WDFY4: variants seen among roughly 807,000 people sequenced by gnomAD.
WDFY4 encodes the protein WD repeat- and FYVE domain-containing protein 4.
WDFY4 carries 169 observed loss-of-function variants against 351.9 expected under a neutral mutation model. The observed-to-expected ratio is 0.48, with a 90% CI of 0.42 to 0.55. The LOEUF (loss-of-function observed/expected upper bound fraction) is 0.55. Ranked by LOEUF, WDFY4 falls within the 20% of genes least tolerant of loss-of-function variation. WDFY4 has a pLI of 0.00. For synonymous variants in WDFY4, 1,622 were observed against 1,574.6 expected (o/e 1.03, Z -0.71); for missense variants, 3,803 against 3,935.6 (o/e 0.97, Z 0.90).
At chr10:48,839,355 G>A (rs554958335) in intron 39 of WDFY4, among the ~76,000 whole-genome samples, 22 of 152,296 alleles carry the variant, frequency 1.4e-4, no homozygotes, top group African/African-American at 3.1e-4. Context: ...GAAGGTCATC[G>A]TGTGAAACAT....
intron 5 of WDFY4, among the ~76,000 whole-genome samples, chr10:48,724,936 A>G (rs889851872): frequency 1.3e-5 from 2 of 152,234 alleles, no homozygotes; most frequent in Non-Finnish European, 2.9e-5. Flanking sequence ...TGATGGTGAC[A>G]GGCTTTTATT....
chr10:48,960,114 T>TCCA (rs1841791898), intron 53 of WDFY4, among the ~76,000 whole-genome samples: 1 of 152,014 alleles, frequency 6.6e-6, no homozygotes, highest in Non-Finnish European at 1.5e-5. Flanking sequence ...TACAAGAACA[T>TCCA]CCACTCCCTG....
chr10:48,910,205 T>C, intron 47 of WDFY4: 1 of 1,492,762 alleles, frequency 6.7e-7, no homozygotes, highest in Non-Finnish European at 9.3e-7. Flanking sequence ...TTCTGTTAGC[T>C]GAGTAGTCTT....
intron 7 of WDFY4, 127 bp downstream of exon 7, chr10:48,727,786 T>G: frequency 8.3e-7 from 1 of 1,200,412 alleles, no homozygotes; most frequent in Non-Finnish European, 1.1e-6. Context: ...ACCTCTTATT[T>G]GCAAAAGTGA....
At chr10:48,751,232 T>G (rs1233448834) in intron 12 of WDFY4, among the ~76,000 whole-genome samples, 3 of 152,190 alleles carry the variant, frequency 2.0e-5, no homozygotes, top group African/African-American at 7.2e-5. Context: ...CGTTCCTGGA[T>G]GAGGAGACCA....
At chr10:48,889,228 C>G (rs112780694) in intron 43 of WDFY4, among the ~76,000 whole-genome samples, 1 of 152,174 alleles carries the variant, frequency 6.6e-6, no homozygotes, top group Non-Finnish European at 1.5e-5. Context: ...TCCTAGCTTA[C>G]GAAAAACAGC....
intron 36 of WDFY4, among the ~76,000 whole-genome samples, chr10:48,828,023 T>C (rs998614780): frequency 6.6e-6 from 1 of 152,206 alleles, no homozygotes; most frequent in South Asian, 2.1e-4. Flanking sequence ...TTTAGCAAGA[T>C]TGACTTCATT....
At chr10:48,867,106 GT>G (rs2069572262) in intron 39 of WDFY4, among the ~76,000 whole-genome samples, 158 bp from the exon 40 acceptor site, 1 of 151,674 alleles carries the variant, frequency 6.6e-6, no homozygotes, top group Non-Finnish European at 1.5e-5. Context: ...TGAGGCAGAG[GT>G]TGCAGTGAGC....
intron 43 of WDFY4, among the ~76,000 whole-genome samples, chr10:48,885,886 T>A (rs188003056): frequency 9.0e-4 from 137 of 152,318 alleles, no homozygotes; most frequent in African/African-American, 3.2e-3. Flanking sequence ...AGCTCATAGA[T>A]GACCAAATAT....
chr10:48,830,824 G>A lies in WDFY4; in HGVS notation c.6465G>A (p.Lys2155=). 1 of 1,551,696 alleles carries A rather than the reference G, an allele frequency of 6.4e-7. No individual in the cohort carries two copies. The highest frequency in any genetic ancestry group is 8.7e-7 in the Non-Finnish European group (1 of 1,146,970). The change falls in exon 38 of 62, where the codon AAG becomes AAA. Residue 2155 remains lysine (K), a synonymous_variant. Coordinates refer to ENST00000325239, the MANE Select transcript of WDFY4 (RefSeq NM_001394531.1). ...TGAAACCTGGAGAGAGGGAAGTGAA[G>A]ATTGAAGAGGTCACACCGCTCTGGG... ...LSVKPGEREV[K]IEEVTPLWEE...
intron 19 of WDFY4, among the ~76,000 whole-genome samples, chr10:48,784,148 G>A (rs985364068): frequency 1.3e-5 from 2 of 152,206 alleles, no homozygotes; most frequent in Admixed American, 6.5e-5. Context: ...AGCTTTGTGA[G>A]CATTTGTGTA....
chr10:48,751,361 G>A (rs1159932636), intron 12 of WDFY4, among the ~76,000 whole-genome samples: 1 of 152,228 alleles, frequency 6.6e-6, no homozygotes, highest in Non-Finnish European at 1.5e-5. Context: ...TGTAGGCATT[G>A]CTCGGACTTT....
At chr10:48,700,358 C>T (rs2063445479) in intron 1 of WDFY4, among the ~76,000 whole-genome samples, 1 of 152,224 alleles carries the variant, frequency 6.6e-6, no homozygotes, top group African/African-American at 2.4e-5. Flanking sequence ...TGCTCTTGCC[C>T]AGTTTCTGCA....
intron 45 of WDFY4, 137 bp from the exon 46 acceptor site, chr10:48,900,084 G>T: frequency 1.5e-6 from 1 of 670,828 alleles, no homozygotes; most frequent in Non-Finnish European, 2.5e-6. Flanking sequence ...TTCCTACCAT[G>T]GGAACTCAAA....
At chr10:48,861,607 C>T (rs987802757) in intron 39 of WDFY4, among the ~76,000 whole-genome samples, 2 of 152,116 alleles carry the variant, frequency 1.3e-5, no homozygotes, top group South Asian at 4.1e-4. Flanking sequence ...TTTCTCTCTT[C>T]CTGTGTTTAG....
chr10:48,846,950 A>G (rs2068796569), intron 39 of WDFY4, among the ~76,000 whole-genome samples: 2 of 152,156 alleles, frequency 1.3e-5, no homozygotes, highest in South Asian at 4.1e-4. Context: ...CCTGGTTGTG[A>G]TCTGTCTTTG....
chr10:48,818,507 C>T (rs1386124684), intron 32 of WDFY4, among the ~76,000 whole-genome samples: 1 of 152,170 alleles, frequency 6.6e-6, no homozygotes, highest in Non-Finnish European at 1.5e-5. Flanking sequence ...GTGGCACTCA[C>T]CAGTTTCCTC....
intron 24 of WDFY4, among the ~76,000 whole-genome samples, chr10:48,801,183 T>C (rs1051970719): frequency 1.3e-5 from 2 of 152,248 alleles, no homozygotes; most frequent in African/African-American, 4.8e-5. Flanking sequence ...TACAGGCTTA[T>C]GTGACACAGA....
intron 36 of WDFY4, among the ~76,000 whole-genome samples, chr10:48,828,197 A>G (rs962392337): frequency 6.6e-6 from 1 of 152,342 alleles, no homozygotes; most frequent in Admixed American, 6.5e-5. Flanking sequence ...CACATGGTTC[A>G]TGGGAAACCT....
Sources: allele counts gnomAD v4.1 joint callset (sites outside exome capture counted in the v4.1 genomes callset), GRCh38; gene constraint gnomAD v4.1.1; transcripts MANE v1.5; gene names NCBI Gene and HGNC (gene_info 2026-07-23, HGNC 2026-07-21).